PFKFB2: variants seen among roughly 807,000 people sequenced by gnomAD.
The protein encoded by PFKFB2 is 6-phosphofructo-2-kinase/fructose-2,6-biphosphatase 2, also known as 6-phosphofructo-2-kinase/fructose-2,6-bisphosphatase 2.
Under a neutral mutation model 68.0 loss-of-function variants are expected in PFKFB2, and 53 were observed. The ratio of observed to expected loss-of-function variants is 0.78; its 90% CI spans 0.63 to 0.98. The LOEUF (loss-of-function observed/expected upper bound fraction) is 0.98. Ranked by LOEUF, PFKFB2 falls within the 50% of genes least tolerant of loss-of-function variation. The probability of loss-of-function intolerance (pLI) is 0.00; values close to 1 mark genes in which losing one functional copy is unlikely to be tolerated. For missense variants in PFKFB2, 451 were observed against 642.0 expected (o/e 0.70, Z 3.22); for synonymous variants, 222 against 227.6 (o/e 0.98, Z 0.22).
At chr1:207,037,478 A>G (rs1370915572) in intron 1 of PFKFB2, among the ~76,000 whole-genome samples, 1 of 152,200 alleles carries the variant, frequency 6.6e-6, no homozygotes, top group Non-Finnish European at 1.5e-5. Flanking sequence ...TTTTATCTAT[A>G]GGTCAACAAG....
At chr1:207,052,106 C>G (rs1370715133), upstream of PFKFB2, 8 of 1,263,850 alleles carry the variant, frequency 6.3e-6, no homozygotes, top group African/African-American at 7.4e-5. Flanking sequence ...GTCCCACTTG[C>G]CAAGAGTGGG....
chr1:207,039,796 T>G (rs546960434), intron 1 of PFKFB2, among the ~76,000 whole-genome samples: 1 of 152,046 alleles, frequency 6.6e-6, no homozygotes, highest in African/African-American at 2.4e-5. Flanking sequence ...GTGAAGAATT[T>G]GGCAGGCACT....
intron 1 of PFKFB2, among the ~76,000 whole-genome samples, chr1:207,038,564 G>A (rs945905986): frequency 1.3e-5 from 2 of 152,146 alleles, no homozygotes; most frequent in Admixed American, 6.5e-5. Flanking sequence ...TTTTTCAACT[G>A]ATTAGTTCTT....
chr1:207,035,027 CA>C, intron 1 of PFKFB2: 1 of 443,110 alleles, frequency 2.3e-6, no homozygotes, highest in Non-Finnish European at 3.0e-6. Flanking sequence ...CAAAGTCAGT[CA>C]AAAGCCTGAA....
In PFKFB2 at chr1:207,074,011, G is replaced by A. The variant is rs1228011508; in HGVS notation, c.*1640G>A. The A allele has an allele frequency of 2.0e-6, 2 of 976,792 alleles. No individual in the cohort carries two copies. The highest frequency in any genetic ancestry group is 2.4e-6 in the Non-Finnish European group (2 of 822,136). The allele number at this position is 976,792 out of a possible 1,614,324, so 60.5% of individuals were successfully genotyped here. A position where few individuals can be genotyped will look rare whatever the true frequency, so the allele number is the denominator to read the frequency against. ...TTTTTGCTGTGGTTCTCATCCAGGA[G>A]TATTCCTTAGAATTGCCTTTAGGAT... On this transcript the variant is annotated 3_prime_UTR_variant, in exon 15 of 15. Coordinates refer to ENST00000367080, the MANE Select transcript of PFKFB2 (RefSeq NM_006212.2).
chr1:207,069,621 T>C, intron 11 of PFKFB2, 93 bp downstream of exon 11: 1 of 798,214 alleles, frequency 1.3e-6, no homozygotes, highest in Non-Finnish European at 2.1e-6. Flanking sequence ...ATTTGGAGGG[T>C]CTAGGCATCA....
At position 207,068,210 on chromosome 1, in the gene PFKFB2, C is replaced by T; in HGVS notation, c.888C>T (p.Asp296=). The T allele has an allele frequency of 2.5e-6, 4 of 1,612,406 alleles. No homozygotes were observed. Among genetic ancestry groups the T allele is most frequent in the Non-Finnish European group, 3.4e-6 (4 of 1,179,398 alleles). ...TTCTGGAGGAACAGGAAATAACAGA[C>T]CTCAAAGTGTGGACAAGCCAGTTGA... is the stretch of plus-strand genomic sequence containing the variant. ...RKFLEEQEIT[D]LKVWTSQLKR... The change falls in exon 10 of 15, where the codon GAC becomes GAT. Residue 296 remains aspartate, a synonymous_variant. Coordinates refer to ENST00000367080, the MANE Select transcript of PFKFB2 (RefSeq NM_006212.2).
rs1329941816 is a variant in PFKFB2 at position 207,075,456 on chromosome 1, C to G, written c.*3085C>G. 2.0e-6 allele frequency: 2 copies of G among 985,172 alleles called. No individual in the cohort carries two copies. Among genetic ancestry groups the G allele is most frequent in the African/African-American group, 3.5e-5 (2 of 57,234 alleles). The allele number at this position is 985,172 out of a possible 1,614,324, so 61.0% of individuals were successfully genotyped here. On this transcript the variant is annotated 3_prime_UTR_variant, in exon 15 of 15. Coordinates refer to ENST00000367080, the MANE Select transcript of PFKFB2 (RefSeq NM_006212.2). ...TCCAAATTTTAGAGAAGTTTCAGCT[C>G]TACTTCTCATCTTTTCTCTCCTGGT...
Position 207,063,690 on chromosome 1 carries a change from TG to T in PFKFB2, c.451-80del. 1 of 1,123,512 alleles carries T rather than the reference TG, an allele frequency of 8.9e-7. No individual in the cohort carries two copies. Among genetic ancestry groups the T allele is most frequent in the Non-Finnish European group, 1.4e-6 (1 of 733,426 alleles). The allele number at this position is 1,123,512 out of a possible 1,614,324, so 69.6% of individuals were successfully genotyped here. Reference sequence around the variant, plus strand: ...AGAAAATCCTGGGAGATGTGGTGGCTGGGTGGGGTAGATGAGCATGTGCTCT... The same window carrying T: ...AGAAAATCCTGGGAGATGTGGTGGCTGGTGGGGTAGATGAGCATGTGCTCT... On this transcript the variant is annotated intron_variant, in intron 6 of 14. Transcript: ENST00000367080. This position sits in a 1 kb window ranked among gnomAD's most constrained non-coding sequence, Gnocchi z 4.1.
intron 2 of PFKFB2, among the ~76,000 whole-genome samples, chr1:207,055,982 T>C (rs1395274859): frequency 6.6e-6 from 1 of 152,196 alleles, no homozygotes; most frequent in African/African-American, 2.4e-5. Context: ...AGCATGATGT[T>C]TGAGTATAGC....
Position 207,071,555 on chromosome 1 carries a change from G to A in PFKFB2, c.1332G>A (p.Thr444=), listed in dbSNP as rs762102278. The A allele has an allele frequency of 1.4e-5, 23 of 1,613,140 alleles. No homozygotes were observed. Among genetic ancestry groups the A allele is most frequent in the Admixed American group, 1.3e-4 (8 of 59,996 alleles). Residue 444 remains threonine (T), a synonymous_variant, in exon 14 of 15, where the codon ACG becomes ACA. Transcript: ENST00000367080. ...AACTTAACGTGGAGGCTGTGAACAC[G>A]CACCGTGACAAGCCAACTGTAAGTA... ...TIKLNVEAVN[T]HRDKPTNNFP... is the part of the protein sequence containing the mutation.
Position 207,077,094 on chromosome 1 carries a change from G to T in PFKFB2, c.*4723G>T. On this transcript the variant is annotated 3_prime_UTR_variant, in exon 15 of 15. Coordinates refer to ENST00000367080, the MANE Select transcript of PFKFB2 (RefSeq NM_006212.2). ...TGGTATTTTGTGAACTCAGCTAAGG[G>T]AATGCCTGTTCAGAGCCTGGAGTTG... 1 of 985,096 alleles carries T rather than the reference G, an allele frequency of 1.0e-6. No homozygotes were observed. The highest frequency in any genetic ancestry group is 4.7e-5 in the South Asian group (1 of 21,282). The allele number at this position is 985,096 out of a possible 1,614,324, so 61.0% of individuals were successfully genotyped here. A position where few individuals can be genotyped will look rare whatever the true frequency, so the allele number is the denominator to read the frequency against.
intron 2 of PFKFB2, among the ~76,000 whole-genome samples, chr1:207,059,663 C>G (rs1683029103): frequency 6.6e-6 from 1 of 152,260 alleles, no homozygotes; most frequent in Non-Finnish European, 1.5e-5. Flanking sequence ...AAGCCAAGCC[C>G]TCTGACCCCA....
chr1:207,056,654 G>T (rs1682930716), intron 2 of PFKFB2, among the ~76,000 whole-genome samples: 1 of 151,498 alleles, frequency 6.6e-6, no homozygotes, highest in African/African-American at 2.4e-5. Flanking sequence ...TCCTGCTCTG[G>T]GCTCTAATCT....
chr1:207,036,028 G>A (rs1682371262), intron 1 of PFKFB2, among the ~76,000 whole-genome samples: 1 of 152,146 alleles, frequency 6.6e-6, no homozygotes, highest in African/African-American at 2.4e-5. Flanking sequence ...CGGAAAAGGG[G>A]TTTGGCTGGG....
chr1:207,060,012 T>A (rs906662404), intron 2 of PFKFB2, among the ~76,000 whole-genome samples: 3 of 152,098 alleles, frequency 2.0e-5, no homozygotes, highest in Non-Finnish European at 4.4e-5. Context: ...TGCAGGGCCT[T>A]CCCTCATTGG....
chr1:207,063,888 G>GGTGTGTGTGT lies in PFKFB2; in HGVS notation c.507+78_507+87dup, dbSNP rs57138984. The GGTGTGTGTGT allele has an allele frequency of 1.3e-3, 1,327 of 1,016,482 alleles. 6 individuals are homozygous for GGTGTGTGTGT. In the African/African-American group the frequency reaches 0.019, roughly 14 times the overall value. 63.0% of individuals were successfully genotyped at this position (1,016,482 alleles called of 1,614,324 possible). A position where few individuals can be genotyped will look rare whatever the true frequency, so the allele number is the denominator to read the frequency against. The stretch of plus-strand genomic sequence containing the variant: ...ACCTTTTGTGCTGTGTGTGTTGTGG[G>GGTGTGTGTGT]GTGTGTGTGTGTGTGTGTGTGTGTG... On this transcript the variant is annotated intron_variant, in intron 7 of 14. Transcript: ENST00000367080. The surrounding 1 kb of genome is among the most constrained non-coding windows in gnomAD (Gnocchi z 4.1).
At position 207,054,859 on chromosome 1, in the gene PFKFB2, T is replaced by G. The variant is rs192804641; in HGVS notation, c.85+57T>G. ...CTCTCAGCATTTTATCTTGGGAATA[T>G]AGTTATAATCCTGGACTCTGCTGCT... On this transcript the variant is annotated intron_variant, in intron 2 of 14. Coordinates refer to ENST00000367080, the MANE Select transcript of PFKFB2 (RefSeq NM_006212.2). 5.2e-3 allele frequency: 6,379 copies of G among 1,231,410 alleles called. 37 individuals carry two copies. Among genetic ancestry groups the G allele is most frequent in the Non-Finnish European group, 4.9e-3 (4,113 of 844,676 alleles). 76.3% of individuals were successfully genotyped at this position (1,231,410 alleles called of 1,614,324 possible).
upstream of PFKFB2, chr1:207,049,378 T>C (rs969470999): frequency 6.2e-7 from 1 of 1,614,170 alleles, no homozygotes; most frequent in Non-Finnish European, 8.5e-7. Context: ...TTGGTAAAAC[T>C]TGGACAAAAT....
Sources: allele counts gnomAD v4.1 joint callset (sites outside exome capture counted in the v4.1 genomes callset), GRCh38; gene constraint gnomAD v4.1.1; non-coding constraint Gnocchi (gnomAD v3.1); transcripts MANE v1.5; gene names NCBI Gene and HGNC (gene_info 2026-07-23, HGNC 2026-07-21).